Variants in SEMA5A observed in about 807,000 individuals in gnomAD.
SEMA5A encodes the protein semaphorin 5A.
Under a neutral mutation model 135.5 loss-of-function variants are expected in SEMA5A, and 55 were observed. That is an observed-to-expected ratio of 0.41 (90% CI 0.33 to 0.51). The LOEUF is 0.51. Ranked by LOEUF, SEMA5A falls within the 20% of genes least tolerant of loss-of-function variation. The pLI is 0.37. For synonymous variants in SEMA5A, 580 were observed against 546.5 expected, an observed-to-expected ratio of 1.06 and a Z score of -0.85; for missense variants, 1,290 against 1,419.9, an observed-to-expected ratio of 0.91 and a Z score of 1.47.
At position 9,353,339 on chromosome 5, in the gene SEMA5A, AAAGGAAAGGAAAGGG is replaced by A. The variant is rs1561177859; in HGVS notation, c.125-15542_125-15528del. ...GAAAGGAAGGAAAGGAAAGGAAATG[AAAGGAAAGGAAAGGG>A]AAGGAAAGGAAAGGAAAGGAAAGGA... On this transcript the variant is annotated intron_variant, in intron 3 of 22. Coordinates refer to ENST00000382496, the MANE Select transcript of SEMA5A (RefSeq NM_003966.3). Among the ~76,000 whole-genome samples the A allele has an allele frequency of 1.3e-3, 143 of 107,562 alleles. 7 individuals carry two copies. The highest frequency in any genetic ancestry group is 2.4e-3 in the Admixed American group (26 of 11,062). 70.6% of individuals were successfully genotyped at this position (107,562 alleles called of 152,430 possible). A position where few individuals can be genotyped will look rare whatever the true frequency, so the allele number is the denominator to read the frequency against.
intron 1 of SEMA5A, among the ~76,000 whole-genome samples, chr5:9,525,722 C>T (rs996446444): frequency 1.3e-5 from 2 of 152,164 alleles, no homozygotes; most frequent in African/African-American, 4.8e-5. Context: ...TGAAGTAGAA[C>T]TAGAATGAGA....
chr5:9,331,172 A>G (rs1579357674), intron 4 of SEMA5A, among the ~76,000 whole-genome samples: 1 of 152,330 alleles, frequency 6.6e-6, no homozygotes, highest in East Asian at 1.9e-4. Context: ...TGTTAATTAT[A>G]TATTGCCTCC....
Position 9,154,606 on chromosome 5 carries a change from G to A in SEMA5A, c.1363C>T (p.Arg455Trp), listed in dbSNP as rs375389733. The change falls in exon 12 of 23, where the codon CGG becomes TGG. Residue 455 changes from arginine to tryptophan, a missense_variant. Around this residue, in one of 3 missense-constraint regions of SEMA5A, gnomAD observed 1,029 missense variants for 1,086.6 expected, o/e 0.95. Transcript: ENST00000382496. ...LEEIELFPER[R>W]REPIRSLQIL... Reference sequence around the variant, plus strand: ...TGCAGGCTCCTGATGGGCTCCCTCCGCCTCTCAGGGAAGAGCTCAATCTCT... The same window carrying A: ...TGCAGGCTCCTGATGGGCTCCCTCCACCTCTCAGGGAAGAGCTCAATCTCT... 1.6e-5 allele frequency: 26 copies of A among 1,613,986 alleles called. No individual in the cohort carries two copies. In the South Asian group the frequency reaches 2.1e-4, roughly 13 times the overall value.
At chr5:9,326,332 A>C (rs1752873018) in intron 4 of SEMA5A, among the ~76,000 whole-genome samples, 1 of 152,120 alleles carries the variant, frequency 6.6e-6, no homozygotes, top group East Asian at 1.9e-4. Flanking sequence ...GCTCACTGCA[A>C]CCTCCATCGC....
At chr5:9,309,859 A>T (rs537081288) in intron 5 of SEMA5A, among the ~76,000 whole-genome samples, 1 of 152,356 alleles carries the variant, frequency 6.6e-6, no homozygotes, top group East Asian at 1.9e-4. Context: ...AAATCGGTAT[A>T]TAAAACAGCA....
rs139225391 is a variant in SEMA5A, at chr5:9,158,792, A to G, written c.1274-4097T>C. On this transcript the variant is annotated intron_variant, in intron 11 of 22. Coordinates refer to ENST00000382496, the MANE Select transcript of SEMA5A (RefSeq NM_003966.3). ...AGCTACTTCAAGACTTTAAATATCC[A>G]TTAGTGTTGATATGGTTATTATTCA... 3.6e-3 allele frequency among the ~76,000 whole-genome samples: 544 copies of G among 152,324 alleles called. 2 individuals carry two copies. Among genetic ancestry groups the G allele is most frequent in the African/African-American group, 0.013 (530 of 41,584 alleles).
In SEMA5A at chr5:9,226,725, A is replaced by G. The variant is rs1579659740; in HGVS notation, c.432+144T>C. ...GATTAGAAATATATCAATAAATCAA[A>G]TATTTATTCAATTTGACAAAAAGTG... On this transcript the variant is annotated intron_variant, in intron 7 of 22. Coordinates refer to ENST00000382496, the MANE Select transcript of SEMA5A (RefSeq NM_003966.3). The G allele has an allele frequency of 7.8e-6, 4 of 512,152 alleles. No individual in the cohort carries two copies. In the East Asian group the frequency reaches 1.5e-4, roughly 19 times the overall value. 31.7% of individuals were successfully genotyped at this position (512,152 alleles called of 1,614,324 possible).
chr5:9,353,235 GGAAGGAAAGGGAAGGGAAGGGAAGGGAA>G, intron 3 of SEMA5A, among the ~76,000 whole-genome samples: 1 of 141,028 alleles, frequency 7.1e-6, no homozygotes, highest in Admixed American at 7.3e-5. Context: ...GGAAAGGAAA[GGAAGGAAAGGGAAGGGAAGGGAAGGGAA>G]GCAAAGGAAA....
intron 16 of SEMA5A, among the ~76,000 whole-genome samples, chr5:9,087,638 AAC>A (rs765664884): frequency 2.0e-5 from 3 of 151,686 alleles, no homozygotes; most frequent in Admixed American, 6.6e-5. Flanking sequence ...TATCACTATA[AAC>A]ACACACACAC....
intron 2 of SEMA5A, among the ~76,000 whole-genome samples, chr5:9,391,539 T>C (rs948967499): frequency 6.6e-6 from 1 of 152,122 alleles, no homozygotes; most frequent in Non-Finnish European, 1.5e-5. Context: ...GTCTTCGCCA[T>C]CACAGCTGGA....
chr5:9,266,917 C>G (rs1489262880), intron 5 of SEMA5A, among the ~76,000 whole-genome samples: 2 of 152,172 alleles, frequency 1.3e-5, no homozygotes, highest in Admixed American at 1.3e-4. Flanking sequence ...AAATACCTAA[C>G]TAGGTACAAA....
intron 13 of SEMA5A, among the ~76,000 whole-genome samples, chr5:9,126,458 C>T (rs1741116802): frequency 6.6e-6 from 1 of 151,832 alleles, no homozygotes; most frequent in Admixed American, 6.6e-5. Context: ...ATCTGTTCAT[C>T]CTTAGCCTCA....
At chr5:9,099,389 T>C (rs566222286) in intron 16 of SEMA5A, among the ~76,000 whole-genome samples, 99 of 152,304 alleles carry the variant, frequency 6.5e-4, no homozygotes, top group African/African-American at 2.4e-3. Flanking sequence ...AAAACAAACT[T>C]TGCATTCCAG....
intron 20 of SEMA5A, among the ~76,000 whole-genome samples, chr5:9,051,488 A>G (rs919635665): frequency 1.3e-5 from 2 of 152,218 alleles, no homozygotes. Flanking sequence ...GCATAAAGAG[A>G]ATGGTGCTTT....
chr5:9,221,377 A>T (rs1465788364), intron 8 of SEMA5A, among the ~76,000 whole-genome samples: 1 of 133,792 alleles, frequency 7.5e-6, no homozygotes, highest in African/African-American at 2.9e-5. Flanking sequence ...ATCTCGGCTT[A>T]CTGCAAGCTC....
At chr5:9,263,063 G>A (rs921573561) in intron 5 of SEMA5A, among the ~76,000 whole-genome samples, 2 of 150,282 alleles carry the variant, frequency 1.3e-5, no homozygotes, top group South Asian at 2.1e-4. Flanking sequence ...AGATACAGAT[G>A]TCTCTGCCAA....
rs1431411623 is a variant in SEMA5A at position 9,318,386 on chromosome 5, G to T, written c.256C>A (p.Leu86Met). 6.2e-7 allele frequency: 1 copy of T among 1,612,578 alleles called. No homozygotes were observed. The highest frequency in any genetic ancestry group is 8.5e-7 in the Non-Finnish European group (1 of 1,179,346). ...ATTGCACCTACCTGGATAAGAGACA[G>T]ATCCTCAAGCTGTAACCTGAAGAGG... ...NYLFRLQLEDLSLIQAVEWEC... is the reference protein window; with the variant it reads ...NYLFRLQLEDMSLIQAVEWEC... The change falls in exon 5 of 23, where the codon CTG (leucine) becomes ATG (methionine). Residue 86 changes from leucine to methionine, a missense_variant. Leu to Met is a conservative substitution (Grantham distance 15). Coordinates refer to ENST00000382496, the MANE Select transcript of SEMA5A (RefSeq NM_003966.3).
At chr5:9,143,771 C>T (rs1051110205) in intron 12 of SEMA5A, among the ~76,000 whole-genome samples, 1 of 152,220 alleles carries the variant, frequency 6.6e-6, no homozygotes, top group African/African-American at 2.4e-5. Flanking sequence ...CCCCGTTCCA[C>T]TCCCTCTTTA....
intron 3 of SEMA5A, among the ~76,000 whole-genome samples, chr5:9,379,229 C>A (rs1755489410): frequency 6.6e-6 from 1 of 152,162 alleles, no homozygotes; most frequent in African/African-American, 2.4e-5. Context: ...TCCTTGAGGA[C>A]AGAGATAGAG....
Sources: allele counts gnomAD v4.1 joint callset (sites outside exome capture counted in the v4.1 genomes callset), GRCh38; gene constraint gnomAD v4.1.1; regional missense constraint gnomAD v4.1.1; transcripts MANE v1.5; gene names NCBI Gene and HGNC (gene_info 2026-07-23, HGNC 2026-07-21).